CACNB2: variants seen among roughly 807,000 people sequenced by gnomAD.
The protein encoded by CACNB2 is calcium voltage-gated channel auxiliary subunit beta 2.
In CACNB2, 42 loss-of-function variants were observed where a neutral mutation model predicts 73.3. The observed-to-expected ratio is 0.57, with a 90% confidence interval of 0.45 to 0.74. The LOEUF is 0.74. CACNB2 is among the 30% of genes least tolerant of loss of function. CACNB2 has a pLI of 0.00. For synonymous variants in CACNB2, 348 were observed against 310.3 expected, an observed-to-expected ratio of 1.12 and a Z score of -1.28; for missense variants, 940 against 853.0, an observed-to-expected ratio of 1.10 and a Z score of -1.27.
chr10:18,455,195 T>C (rs2132636974), intron 3 of CACNB2, among the ~76,000 whole-genome samples: 1 of 152,296 alleles, frequency 6.6e-6, no homozygotes, highest in African/African-American at 2.4e-5. Context: ...GGAAAAAGTG[T>C]GACAGACAAA....
intron 2 of CACNB2, among the ~76,000 whole-genome samples, chr10:18,180,407 A>G (rs1232133387): frequency 6.6e-6 from 1 of 151,858 alleles, no homozygotes; most frequent in African/African-American, 2.4e-5. Flanking sequence ...CTTTTACGTC[A>G]GGCAGGATGA....
chr10:18,141,152 C>T, intron 1 of CACNB2: 2 of 1,548,480 alleles, frequency 1.3e-6, no homozygotes, highest in South Asian at 1.2e-5. Context: ...CCTCCTCGCC[C>T]CTTCCCGGGA....
intron 6 of CACNB2, 103 bp from the exon 7 acceptor site, chr10:18,514,133 T>C (rs1416155930): frequency 2.5e-6 from 3 of 1,214,362 alleles, no homozygotes; most frequent in East Asian, 2.3e-5. Flanking sequence ...GCACTCATGA[T>C]AGTTTTTTTT....
chr10:18,385,176 G>A (rs189983818), intron 2 of CACNB2, among the ~76,000 whole-genome samples: 2 of 151,836 alleles, frequency 1.3e-5, no homozygotes, highest in Admixed American at 1.3e-4. Context: ...CCAGGTACTC[G>A]AGAGGCTGAG....
chr10:18,503,553 G>C (rs2050323763), intron 5 of CACNB2, among the ~76,000 whole-genome samples: 2 of 152,270 alleles, frequency 1.3e-5, no homozygotes, highest in South Asian at 4.1e-4. Context: ...CCGAGATCAT[G>C]TTCCAACTTG....
At position 18,539,601 on chromosome 10, in the gene CACNB2, G is replaced by C. The variant is rs145886836; in HGVS notation, c.1860G>C (p.Glu620Asp). 4 of 1,613,834 alleles carry C rather than the reference G, an allele frequency of 2.5e-6. No individual in the cohort carries two copies. Among genetic ancestry groups the C allele is most frequent in the Non-Finnish European group, 3.4e-6 (4 of 1,179,908 alleles). The change falls in exon 14 of 14, where the codon GAG becomes GAC. Residue 620 changes from glutamate to aspartate, a missense_variant. By Grantham distance (45) the Glu-to-Asp change is conservative. Coordinates refer to ENST00000324631, the MANE Select transcript of CACNB2 (RefSeq NM_201596.3). ...RDVDREQDHN[E>D]CNKQRSRHKS... ...TGGATCGAGAGCAGGACCACAACGA[G>C]TGCAACAAGCAGCGCAGCCGTCATA...
intron 2 of CACNB2, among the ~76,000 whole-genome samples, chr10:18,204,011 CA>C (rs1440837556): frequency 6.6e-6 from 1 of 151,646 alleles, no homozygotes; most frequent in Admixed American, 6.6e-5. Context: ...AACAAAAAAG[CA>C]ATCAGATTGC....
intron 2 of CACNB2, among the ~76,000 whole-genome samples, chr10:18,159,325 T>G (rs2032287076): frequency 6.6e-6 from 1 of 152,214 alleles, no homozygotes; most frequent in Admixed American, 6.5e-5. Flanking sequence ...GTTGCACACT[T>G]GTGTCCTTTG....
intron 3 of CACNB2, among the ~76,000 whole-genome samples, chr10:18,432,670 C>CA (rs914924840): frequency 2.0e-5 from 3 of 151,670 alleles, no homozygotes; most frequent in Non-Finnish European, 2.9e-5. Flanking sequence ...CTTGTCTCTA[C>CA]AAAAAAAATA....
At position 18,540,394 on chromosome 10, in the gene CACNB2, T is replaced by A. The variant is rs2054009049; in HGVS notation, c.*670T>A. On this transcript the variant is annotated 3_prime_UTR_variant, in exon 14 of 14. Coordinates refer to ENST00000324631, the MANE Select transcript of CACNB2 (RefSeq NM_201596.3). The stretch of plus-strand genomic sequence containing the variant: ...GAGTCTTAATGCCAAGTCAGCAGAT[T>A]TGCTTTATGAATTACAGGGACTAGA... 1 of 152,422 alleles carries A rather than the reference T, an allele frequency of 6.6e-6. No individual in the cohort carries two copies. 9.4% of individuals were successfully genotyped at this position (152,422 alleles called of 1,614,324 possible).
chr10:18,466,949 G>C lies in CACNB2; in HGVS notation c.334-31406G>C, dbSNP rs527650680. ...ACGGGCGGTTCACTTGAGGTCAGGA[G>C]CTGAGAGCAGCCTGGCCAACATGGT... On this transcript the variant is annotated intron_variant, in intron 3 of 13. Coordinates refer to ENST00000324631, the MANE Select transcript of CACNB2 (RefSeq NM_201596.3). 3.9e-5 allele frequency among the ~76,000 whole-genome samples: 6 copies of C among 152,258 alleles called. No homozygotes were observed. In the South Asian group the frequency reaches 1.2e-3, roughly 32 times the overall value.
chr10:18,514,531 G>A (rs544997684), intron 7 of CACNB2, 162 bp downstream of exon 7: 1 of 1,613,794 alleles, frequency 6.2e-7, no homozygotes, highest in Non-Finnish European at 8.5e-7. Flanking sequence ...GCAGAAATCG[G>A]TAAGTTTACA....
intron 2 of CACNB2, among the ~76,000 whole-genome samples, chr10:18,315,321 G>A (rs961568942): frequency 2.1e-5 from 3 of 145,924 alleles, no homozygotes; most frequent in Admixed American, 7.1e-5. Flanking sequence ...GCAACAGAGC[G>A]AGACTCTGTC....
At chr10:18,412,348 C>T (rs1167360509) in intron 3 of CACNB2, among the ~76,000 whole-genome samples, 1 of 152,162 alleles carries the variant, frequency 6.6e-6, no homozygotes, top group Admixed American at 6.5e-5. Flanking sequence ...TTCCTTACCC[C>T]TTTGGAAGAA....
chr10:18,401,090 C>T, intron 2 of CACNB2: 10 of 1,614,174 alleles, frequency 6.2e-6, no homozygotes, highest in Non-Finnish European at 8.5e-6. Flanking sequence ...CTGAAGAATT[C>T]TGATATCTGT....
intron 2 of CACNB2, among the ~76,000 whole-genome samples, chr10:18,391,700 A>C (rs543200618): frequency 6.6e-6 from 1 of 152,160 alleles, no homozygotes; most frequent in South Asian, 2.1e-4. Context: ...GCCGAGGCAC[A>C]TGGATCTCTT....
At chr10:18,307,375 T>C (rs1232957908) in intron 2 of CACNB2, among the ~76,000 whole-genome samples, 2 of 152,100 alleles carry the variant, frequency 1.3e-5, no homozygotes, top group Admixed American at 6.5e-5. Flanking sequence ...GGCAGGAGAA[T>C]CACTTGAACC....
chr10:18,168,387 A>G (rs939973879), intron 2 of CACNB2, among the ~76,000 whole-genome samples: 18 of 152,162 alleles, frequency 1.2e-4, no homozygotes, highest in African/African-American at 2.7e-4. Context: ...TAACTAAGTA[A>G]TTTTCCCCCC....
intron 2 of CACNB2, among the ~76,000 whole-genome samples, chr10:18,344,801 A>G (rs1238046746): frequency 6.6e-6 from 1 of 152,234 alleles, no homozygotes; most frequent in Non-Finnish European, 1.5e-5. Flanking sequence ...ATAAAACAGA[A>G]GAAATATTAA....
Sources: gnomAD v4.1 joint callset for allele counts (sites outside exome capture counted in the v4.1 genomes callset) on GRCh38, gnomAD v4.1.1 for gene constraint, MANE v1.5 for transcripts, NCBI Gene and HGNC (gene_info 2026-07-23, HGNC 2026-07-21) for gene names.